FAM91A1: variants seen among roughly 807,000 people sequenced by gnomAD.
FAM91A1 encodes protein FAM91A1.
FAM91A1 carries 41 observed loss-of-function variants against 113.5 expected under a neutral mutation model. The ratio of observed to expected loss-of-function variants is 0.36; its 90% CI spans 0.28 to 0.47. The LOEUF (loss-of-function observed/expected upper bound fraction) is 0.47. FAM91A1 is among the 20% of genes least tolerant of loss of function. The pLI is 1.00. For synonymous variants in FAM91A1, 307 were observed against 347.9 expected (o/e 0.88, Z 1.31); for missense variants, 696 against 1,001.2 (o/e 0.70, Z 4.11).
chr8:123,777,157 T>A, intron 3 of FAM91A1, 108 bp from the exon 4 acceptor site: 1 of 786,858 alleles, frequency 1.3e-6, no homozygotes, highest in South Asian at 1.9e-5. Context: ...ATGATCTTAC[T>A]GCTTCCTGTA....
At chr8:123,778,361 TG>T (rs1815038070) in intron 5 of FAM91A1, among the ~76,000 whole-genome samples, 1 of 152,182 alleles carries the variant, frequency 6.6e-6, no homozygotes, top group African/African-American at 2.4e-5. Flanking sequence ...GTTCACTTAG[TG>T]GGTGAAAAAA....
chr8:123,775,101 T>C (rs375307232), intron 2 of FAM91A1, 46 bp from the exon 3 acceptor site: 16 of 1,521,650 alleles, frequency 1.1e-5, no homozygotes, highest in Non-Finnish European at 1.3e-5. Context: ...AATATATAAC[T>C]ATAAGAAACC....
At chr8:123,791,751 A>G (rs982405694) in intron 15 of FAM91A1, among the ~76,000 whole-genome samples, 7 of 152,194 alleles carry the variant, frequency 4.6e-5, no homozygotes, top group African/African-American at 1.4e-4. Flanking sequence ...ACCGTTCTCA[A>G]TGCATGAAAA....
chr8:123,781,374 G>GA (rs1210260512), intron 8 of FAM91A1, among the ~76,000 whole-genome samples: 1 of 151,880 alleles, frequency 6.6e-6, no homozygotes, highest in African/African-American at 2.4e-5. Context: ...TATCAGTGTT[G>GA]AATCTTGACA....
intron 23 of FAM91A1, chr8:123,812,211 C>G: frequency 2.2e-5 from 4 of 181,430 alleles, no homozygotes; most frequent in Non-Finnish European, 3.4e-5. Flanking sequence ...GATTTTTCTT[C>G]TGTTAGGTAA....
intron 9 of FAM91A1, 59 bp from the exon 10 acceptor site, chr8:123,785,022 C>G: frequency 1.6e-6 from 2 of 1,286,360 alleles, no homozygotes; most frequent in Non-Finnish European, 2.2e-6. Context: ...TCTATTACAA[C>G]TGTGTAATGT....
Position 123,768,469 on chromosome 8 carries a change from A to C in FAM91A1, c.-234A>C. 2.3e-6 allele frequency: 1 copy of C among 436,182 alleles called. No individual in the cohort carries two copies. The highest frequency in any genetic ancestry group is 4.0e-6 in the Non-Finnish European group (1 of 247,568). The allele number at this position is 436,182 out of a possible 1,614,324, so 27.0% of individuals were successfully genotyped here. ...CATTTCCGGCGGCCCGAAACTAGGA[A>C]GAAACTTGGAGCTGTTCAGGCGATC... is the stretch of plus-strand genomic sequence containing the variant. On this transcript the variant is annotated 5_prime_UTR_variant, in exon 1 of 24. Coordinates refer to ENST00000334705, the MANE Select transcript of FAM91A1 (RefSeq NM_144963.4).
At chr8:123,769,867 A>C (rs952564598) in intron 1 of FAM91A1, among the ~76,000 whole-genome samples, 1 of 152,210 alleles carries the variant, frequency 6.6e-6, no homozygotes, top group Non-Finnish European at 1.5e-5. Context: ...AGTGAAATTC[A>C]GTTTTCTGTT....
At chr8:123,799,408 A>T in intron 16 of FAM91A1, 112 bp from the exon 17 acceptor site, 1 of 881,616 alleles carries the variant, frequency 1.1e-6, no homozygotes, top group Non-Finnish European at 1.7e-6. Flanking sequence ...TATTTTCTTG[A>T]GGATAGTTGC....
intron 1 of FAM91A1, among the ~76,000 whole-genome samples, chr8:123,770,192 C>G (rs56045431): frequency 7.2e-5 from 11 of 152,296 alleles, no homozygotes; most frequent in African/African-American, 2.2e-4. Flanking sequence ...ACCTCATGAT[C>G]CGCCCGTCTC....
chr8:123,768,804 G>C (rs1217999433), intron 1 of FAM91A1, 30 bp downstream of exon 1: 1 of 1,603,078 alleles, frequency 6.2e-7, no homozygotes. Context: ...CCGGGCCCCT[G>C]ACGGATTCGG....
chr8:123,780,601 G>A, intron 8 of FAM91A1, 59 bp downstream of exon 8: 1 of 1,347,970 alleles, frequency 7.4e-7, no homozygotes, highest in Non-Finnish European at 1.0e-6. Flanking sequence ...GCTAAGCATT[G>A]CATATCATCC....
intron 14 of FAM91A1, 125 bp from the exon 15 acceptor site, chr8:123,789,488 A>G (rs1815332165): frequency 7.2e-7 from 1 of 1,389,268 alleles, no homozygotes. Context: ...TTGTTTCGGT[A>G]TTGCCTGGGC....
In FAM91A1 at chr8:123,777,284, A is replaced by C. The variant is rs1233842629; in HGVS notation, c.329A>C (p.Lys110Thr). Residue 110 changes from lysine to threonine, a missense_variant, in exon 4 of 24, where the codon AAA (lysine) becomes ACA (threonine). Physicochemically the swap from Lys to Thr is moderately conservative, Grantham distance 78. Transcript: ENST00000334705. Reference sequence around the variant, plus strand: ...TAAAAGGATATTATGAACAGTGAGAAAAGTTATGATTCATTGCCCAATTTT... The same window carrying C: ...TAAAAGGATATTATGAACAGTGAGACAAGTTATGATTCATTGCCCAATTTT... ...GIMEDIMNSEKSYDSLPNFTA... is the reference protein window; with the variant it reads ...GIMEDIMNSETSYDSLPNFTA... The C allele has an allele frequency of 6.2e-7, 1 of 1,611,076 alleles. No homozygotes were observed.
rs770759392 is a variant in FAM91A1 at position 123,785,597 on chromosome 8, A to T, written c.850-32A>T. On this transcript the variant is annotated intron_variant, in intron 10 of 23. Transcript: ENST00000334705. ...TATTGTGATGTCTAGTTTATTTTAA[A>T]TGGTAATTAGTTTCCTTTATATTCC... The T allele has an allele frequency of 2.2e-6, 3 of 1,380,022 alleles. No homozygotes were observed. The Admixed American group carries it at 5.6e-5, about 26-fold the overall frequency. 85.5% of individuals were successfully genotyped at this position (1,380,022 alleles called of 1,614,324 possible). A position where few individuals can be genotyped will look rare whatever the true frequency, so the allele number is the denominator to read the frequency against.
chr8:123,795,959 A>G (rs1190188688), intron 15 of FAM91A1, among the ~76,000 whole-genome samples: 2 of 152,224 alleles, frequency 1.3e-5, no homozygotes, highest in Non-Finnish European at 2.9e-5. Context: ...CTGGGCAACA[A>G]GAACACTTTT....
At chr8:123,781,603 G>A (rs893843969) in intron 8 of FAM91A1, among the ~76,000 whole-genome samples, 3 of 150,730 alleles carry the variant, frequency 2.0e-5, no homozygotes, top group East Asian at 2.0e-4. Context: ...TCAGTCTCCC[G>A]AATAGCTGGG....
chr8:123,813,363 C>G lies in FAM91A1; in HGVS notation c.*659C>G, dbSNP rs1305395202. 6.6e-6 allele frequency: 1 copy of G among 152,576 alleles called. No homozygotes were observed. Among genetic ancestry groups the G allele is most frequent in the African/African-American group, 2.4e-5 (1 of 41,430 alleles). The allele number at this position is 152,576 out of a possible 1,614,324, so 9.5% of individuals were successfully genotyped here. The stretch of plus-strand genomic sequence containing the variant: ...CTCATGAGAAGCTTTAGAAGACTTT[C>G]TATTTTTAAACACCATTTATATGTG... On this transcript the variant is annotated 3_prime_UTR_variant, in exon 24 of 24. Transcript: ENST00000334705.
At chr8:123,792,612 C>T (rs1055175556) in intron 15 of FAM91A1, among the ~76,000 whole-genome samples, 1 of 152,174 alleles carries the variant, frequency 6.6e-6, no homozygotes, top group Non-Finnish European at 1.5e-5. Flanking sequence ...AAAGCAATCA[C>T]AGTTGTCAAG....
Sources: gnomAD v4.1 joint callset for allele counts (sites outside exome capture counted in the v4.1 genomes callset) on GRCh38, gnomAD v4.1.1 for gene constraint, MANE v1.5 for transcripts, NCBI Gene and HGNC (gene_info 2026-07-23, HGNC 2026-07-21) for gene names.